CDH22: variants seen among roughly 807,000 people sequenced by gnomAD.
CDH22 encodes the protein cadherin 22, also known as cadherin-22.
In CDH22, 30 loss-of-function variants were observed where a neutral mutation model predicts 58.4. That is an observed-to-expected ratio of 0.51 (90% CI 0.38 to 0.70). The LOEUF (loss-of-function observed/expected upper bound fraction) is 0.70. Among genes scored for constraint, CDH22 ranks in the 30% least tolerant of loss-of-function variants. The pLI, the probability that CDH22 is intolerant of heterozygous loss-of-function variation, is 0.00. For synonymous variants in CDH22, 513 were observed against 558.2 expected, an observed-to-expected ratio of 0.92 and a Z score of 1.14; for missense variants, 1,014 against 1,233.9, an observed-to-expected ratio of 0.82 and a Z score of 2.67.
At chr20:46,192,238 G>A (rs1345842267) in intron 8 of CDH22, among the ~76,000 whole-genome samples, 3 of 152,184 alleles carry the variant, frequency 2.0e-5, no homozygotes, top group African/African-American at 4.8e-5. Context: ...ATAAAGATGT[G>A]TCAAATGAAT....
chr20:46,300,592 G>A lies in CDH22; in HGVS notation c.-400+7663C>T, dbSNP rs1260125251. Among the ~76,000 whole-genome samples the A allele has an allele frequency of 2.0e-5, 3 of 152,210 alleles. No individual in the cohort carries two copies. Among genetic ancestry groups the A allele is most frequent in the Non-Finnish European group, 2.9e-5 (2 of 68,038 alleles). On this transcript the variant is annotated intron_variant, in intron 1 of 11. Transcript: ENST00000537909. This position sits in a 1 kb window ranked among gnomAD's most constrained non-coding sequence, Gnocchi z 4.4. The stretch of plus-strand genomic sequence containing the variant: ...ACGGTGACAACAAAGAATATGGGGC[G>A]GGGCTTTCTGCTTTTTTGACTCGCA...
At chr20:46,236,080 GA>G (rs1423481997) in intron 3 of CDH22, among the ~76,000 whole-genome samples, 1 of 152,076 alleles carries the variant, frequency 6.6e-6, no homozygotes, top group African/African-American at 2.4e-5. Context: ...TATGCCTCAG[GA>G]CCCTTGCATT....
At chr20:46,282,949 G>T (rs2086557700) in intron 1 of CDH22, among the ~76,000 whole-genome samples, 1 of 152,216 alleles carries the variant, frequency 6.6e-6, no homozygotes, top group Admixed American at 6.5e-5. Context: ...GGAGCAGCTG[G>T]CCAGGTCTAG....
chr20:46,187,922 C>G (rs2085838502), intron 8 of CDH22, among the ~76,000 whole-genome samples: 1 of 152,172 alleles, frequency 6.6e-6, no homozygotes, highest in African/African-American at 2.4e-5. Context: ...GGCAACTAAA[C>G]TCCAAGACTT....
chr20:46,292,864 C>T (rs1434148230), intron 1 of CDH22, among the ~76,000 whole-genome samples: 1 of 152,044 alleles, frequency 6.6e-6, no homozygotes, highest in Non-Finnish European at 1.5e-5. Context: ...CAGAGTTAAT[C>T]ACTCCCTCTT....
chr20:46,174,461 G>T lies in CDH22; in HGVS notation c.*45C>A, dbSNP rs1445879204. Reference sequence around the variant, plus strand: ...ACGCGTTGTCCTGGGGCCCCGGCGTGTGCTGGGCGGGTGAGCAGCCGCGCC... The same window carrying T: ...ACGCGTTGTCCTGGGGCCCCGGCGTTTGCTGGGCGGGTGAGCAGCCGCGCC... On this transcript the variant is annotated 3_prime_UTR_variant, in exon 12 of 12. Transcript: ENST00000537909. This position sits in a 1 kb window ranked among gnomAD's most constrained non-coding sequence, Gnocchi z 4.4. 4 of 1,332,590 alleles carry T rather than the reference G, an allele frequency of 3.0e-6. No individual in the cohort carries two copies. The highest frequency in any genetic ancestry group is 3.9e-6 in the Non-Finnish European group (4 of 1,018,474). The allele number at this position is 1,332,590 out of a possible 1,614,324, so 82.5% of individuals were successfully genotyped here. A position where few individuals can be genotyped will look rare whatever the true frequency, so the allele number is the denominator to read the frequency against.
In CDH22 at chr20:46,215,817, G is replaced by A. The variant is rs575524093; in HGVS notation, c.838+1009C>T. On this transcript the variant is annotated intron_variant, in intron 5 of 11. Coordinates refer to ENST00000537909, the MANE Select transcript of CDH22 (RefSeq NM_021248.3). ...AGTGGGCAGAAGACTGGGTGGGGGT[G>A]CGTCCCACCCATGCCACCCGTCTGC... 4.6e-5 allele frequency among the ~76,000 whole-genome samples: 7 copies of A among 152,356 alleles called. No homozygotes were observed. In the South Asian group the frequency reaches 1.2e-3, roughly 27 times the overall value.
intron 8 of CDH22, among the ~76,000 whole-genome samples, chr20:46,190,192 A>G (rs1025897067): frequency 1.3e-5 from 2 of 152,356 alleles, no homozygotes; most frequent in South Asian, 2.1e-4. Flanking sequence ...GGATTTTCCA[A>G]TTCATAACAC....
chr20:46,291,400 C>A (rs2086601910), intron 1 of CDH22, among the ~76,000 whole-genome samples: 1 of 152,334 alleles, frequency 6.6e-6, no homozygotes, highest in African/African-American at 2.4e-5. Flanking sequence ...CATTTTTAAT[C>A]CTCCATTGAG....
At chr20:46,227,773 TC>T in intron 3 of CDH22, 146 bp from the exon 4 acceptor site, 2 of 1,207,758 alleles carry the variant, frequency 1.7e-6, no homozygotes, top group Non-Finnish European at 2.3e-6. Flanking sequence ...ACGGTCCCCA[TC>T]CCCACTCTGA....
chr20:46,200,620 G>A (rs998389955), intron 7 of CDH22, among the ~76,000 whole-genome samples: 3 of 152,162 alleles, frequency 2.0e-5, no homozygotes, highest in South Asian at 2.1e-4. Flanking sequence ...CTGGAACTGA[G>A]CTTGAAGGCA....
chr20:46,180,205 A>G (rs2085774492), intron 10 of CDH22, among the ~76,000 whole-genome samples: 1 of 152,180 alleles, frequency 6.6e-6, no homozygotes, highest in Non-Finnish European at 1.5e-5. Flanking sequence ...TTTTGGGAGA[A>G]CTGGTGGTCT....
intron 10 of CDH22, among the ~76,000 whole-genome samples, chr20:46,182,580 A>AG (rs1053960189): frequency 6.6e-6 from 1 of 152,152 alleles, no homozygotes; most frequent in Admixed American, 6.5e-5. Context: ...CACCCCATGA[A>AG]GGGGAATCCC....
rs2086249756 is a variant in CDH22 at position 46,236,143 on chromosome 20, G to A, written c.550+4820C>T. Among the ~76,000 whole-genome samples the A allele has an allele frequency of 1.3e-5, 2 of 152,098 alleles. 1 individual carries two copies. The highest frequency in any genetic ancestry group is 4.1e-4 in the South Asian group (2 of 4,832). ...TTCTTGTAGCTTAGTGGTTGTCCAAGTATGGTCTCCATGCCAGCAGCATTA... is the reference window on the plus strand; with the variant it reads ...TTCTTGTAGCTTAGTGGTTGTCCAAATATGGTCTCCATGCCAGCAGCATTA... On this transcript the variant is annotated intron_variant, in intron 3 of 11. Transcript: ENST00000537909.
intron 1 of CDH22, among the ~76,000 whole-genome samples, chr20:46,253,642 G>A (rs1261179238): frequency 6.6e-6 from 1 of 152,132 alleles, no homozygotes; most frequent in East Asian, 1.9e-4. Flanking sequence ...ATTATGACCT[G>A]GGCTGGTCGT....
Position 46,210,072 on chromosome 20 carries a change from T to C in CDH22, c.1286+235A>G. On this transcript the variant is annotated intron_variant, in intron 7 of 11. Coordinates refer to ENST00000537909, the MANE Select transcript of CDH22 (RefSeq NM_021248.3). This position sits in a 1 kb window ranked among gnomAD's most constrained non-coding sequence, Gnocchi z 4.5. ...CTGTCCCTCCTGGTTCTCTCCCTTA[T>C]TGGCCTGGCTCGCCTGCCTGTCTCA... 2.3e-6 allele frequency: 1 copy of C among 429,038 alleles called. No individual in the cohort carries two copies. The highest frequency in any genetic ancestry group is 4.1e-6 in the Non-Finnish European group (1 of 243,070). 26.6% of individuals were successfully genotyped at this position (429,038 alleles called of 1,614,324 possible).
At chr20:46,176,056 C>T (rs565121018) in intron 11 of CDH22, among the ~76,000 whole-genome samples, 12 of 152,272 alleles carry the variant, frequency 7.9e-5, no homozygotes, top group African/African-American at 2.9e-4. Context: ...ACTTGATTTC[C>T]AGGACTCCAC....
chr20:46,229,300 C>G (rs1172907606), intron 3 of CDH22, among the ~76,000 whole-genome samples: 1 of 137,048 alleles, frequency 7.3e-6, no homozygotes, highest in African/African-American at 2.8e-5. Context: ...CCCCCCCCCC[C>G]AATTTTACAG....
intron 1 of CDH22, among the ~76,000 whole-genome samples, chr20:46,257,194 A>C (rs1345841401): frequency 6.6e-6 from 1 of 152,098 alleles, no homozygotes; most frequent in Non-Finnish European, 1.5e-5. Flanking sequence ...CTGTAGTCCC[A>C]GCTACTCAGG....
Sources: gnomAD v4.1 joint callset for allele counts (sites outside exome capture counted in the v4.1 genomes callset) on GRCh38, gnomAD v4.1.1 for gene constraint, Gnocchi (gnomAD v3.1) non-coding constraint, MANE v1.5 for transcripts, NCBI Gene and HGNC (gene_info 2026-07-23, HGNC 2026-07-21) for gene names.